The following DLC1 variants were observed in gnomAD, a reference collection of about 807,000 sequenced individuals.
DLC1 encodes DLC1 Rho GTPase activating protein, also known as rho GTPase-activating protein 7.
Under a neutral mutation model 140.3 loss-of-function variants are expected in DLC1, and 54 were observed. The ratio of observed to expected loss-of-function variants is 0.38; its 90% CI spans 0.31 to 0.48. DLC1 has a LOEUF of 0.48. Among genes scored for constraint, DLC1 ranks in the 20% least tolerant of loss-of-function variants. The probability of loss-of-function intolerance (pLI) is 0.96; values close to 1 mark genes in which losing one functional copy is unlikely to be tolerated. For missense variants in DLC1, 2,536 were observed against 1,907.0 expected, an observed-to-expected ratio of 1.33 and a Z score of -6.14; for synonymous variants, 986 against 728.1, an observed-to-expected ratio of 1.35 and a Z score of -5.70.
intron 1 of DLC1, among the ~76,000 whole-genome samples, chr8:13,523,992 G>A (rs1802839789): frequency 6.6e-6 from 1 of 151,646 alleles, no homozygotes; most frequent in African/African-American, 2.4e-5. Context: ...TAATGCAAAG[G>A]GACTGATTTC....
At chr8:13,393,714 T>A in intron 3 of DLC1, 21 bp from the exon 4 acceptor site, 1 of 1,605,162 alleles carries the variant, frequency 6.2e-7, no homozygotes, top group South Asian at 1.1e-5. Context: ...ACAAATGCAC[T>A]GGTATGAAGG....
chr8:13,312,350 G>T, intron 4 of DLC1, among the ~76,000 whole-genome samples: 1 of 15,676 alleles, frequency 6.4e-5, no homozygotes, highest in Admixed American at 1.3e-3. Flanking sequence ...GACAGAGCGA[G>T]ACTCCGTCTC....
chr8:13,190,672 C>G (rs1002125636), intron 5 of DLC1, among the ~76,000 whole-genome samples: 2 of 152,108 alleles, frequency 1.3e-5, no homozygotes, highest in Non-Finnish European at 2.9e-5. Context: ...CAGGATTTAG[C>G]AGATCAGAAG....
At chr8:13,096,613 C>T (rs776396003) in intron 10 of DLC1, among the ~76,000 whole-genome samples, 6 of 151,714 alleles carry the variant, frequency 4.0e-5, no homozygotes, top group South Asian at 2.1e-4. Flanking sequence ...GAGGATAAAC[C>T]GGTCAATACT....
At chr8:13,578,011 A>G (rs1435557391) in intron 1 of DLC1, among the ~76,000 whole-genome samples, 1 of 104,846 alleles carries the variant, frequency 9.5e-6, no homozygotes, top group Admixed American at 1.2e-4. Flanking sequence ...TATAGAAATA[A>G]AAAAAAAAAA....
In DLC1 at chr8:13,083,425, G is replaced by C. The variant is rs1366903647; in HGVS notation, c.*2386C>G. ...GTACAAAATACTGAAAGCCGCTGCA[G>C]GGGATTATAAAGATGTGTAAGAGAC... On this transcript the variant is annotated 3_prime_UTR_variant, in exon 18 of 18. Transcript: ENST00000276297. 1 of 152,102 alleles carries C rather than the reference G, an allele frequency of 6.6e-6. No individual in the cohort carries two copies. The highest frequency in any genetic ancestry group is 6.6e-5 in the Admixed American group (1 of 15,252). The allele number at this position is 152,102 out of a possible 1,614,324, so 9.4% of individuals were successfully genotyped here.
intron 2 of DLC1, among the ~76,000 whole-genome samples, chr8:13,416,280 G>A (rs543319836): frequency 6.6e-6 from 1 of 152,216 alleles, no homozygotes; most frequent in African/African-American, 2.4e-5. Flanking sequence ...TAAAAAATTG[G>A]CCTTGAGTTA....
chr8:13,406,924 T>C (rs1837591498), intron 2 of DLC1, among the ~76,000 whole-genome samples: 1 of 152,236 alleles, frequency 6.6e-6, no homozygotes, highest in Non-Finnish European at 1.5e-5. Context: ...TGCTGTGATG[T>C]ATGTCTCTTT....
intron 1 of DLC1, among the ~76,000 whole-genome samples, chr8:13,528,632 C>T (rs1802995679): frequency 6.6e-6 from 1 of 152,032 alleles, no homozygotes; most frequent in Non-Finnish European, 1.5e-5. Context: ...TTGCCAAGTT[C>T]TTATGTAGAC....
chr8:13,544,474 G>GGTCTGAAA (rs1243565647), intron 1 of DLC1, among the ~76,000 whole-genome samples: 1 of 152,134 alleles, frequency 6.6e-6, no homozygotes, highest in Non-Finnish European at 1.5e-5. Flanking sequence ...CTGAGAAAAT[G>GGTCTGAAA]AACTTTAGTG....
intron 2 of DLC1, among the ~76,000 whole-genome samples, chr8:13,415,879 T>TA (rs1241770487): frequency 6.6e-6 from 1 of 152,204 alleles, no homozygotes; most frequent in Non-Finnish European, 1.5e-5. Flanking sequence ...TAGCATTATG[T>TA]AATTTCACCC....
chr8:13,295,827 C>A (rs939235439), intron 5 of DLC1, among the ~76,000 whole-genome samples: 2 of 150,294 alleles, frequency 1.3e-5, no homozygotes, highest in East Asian at 2.0e-4. Context: ...CTTGTGGGTA[C>A]GTATTTGTGT....
intron 1 of DLC1, among the ~76,000 whole-genome samples, chr8:13,562,007 C>G (rs1474817054): frequency 6.6e-6 from 1 of 151,966 alleles, no homozygotes; most frequent in Non-Finnish European, 1.5e-5. Flanking sequence ...GTACTAAAGA[C>G]AGGAGTTACG....
chr8:13,459,664 C>G (rs1324599112), intron 2 of DLC1, among the ~76,000 whole-genome samples: 1 of 152,178 alleles, frequency 6.6e-6, no homozygotes, highest in Non-Finnish European at 1.5e-5. Flanking sequence ...ATTCTCTGGC[C>G]AACTTCTCCC....
chr8:13,561,544 G>C (rs2117382367), intron 1 of DLC1, among the ~76,000 whole-genome samples: 1 of 152,012 alleles, frequency 6.6e-6, no homozygotes, highest in East Asian at 1.9e-4. Context: ...TAATATTCTG[G>C]CAATATTGAA....
At chr8:13,225,469 AG>A (rs1408883465) in intron 5 of DLC1, among the ~76,000 whole-genome samples, 1 of 152,170 alleles carries the variant, frequency 6.6e-6, no homozygotes, top group Non-Finnish European at 1.5e-5. Context: ...GCTGGTTAGA[AG>A]GGCATTAAGA....
intron 2 of DLC1, among the ~76,000 whole-genome samples, chr8:13,488,682 A>G (rs1229770276): frequency 6.6e-6 from 1 of 152,208 alleles, no homozygotes; most frequent in Non-Finnish European, 1.5e-5. Context: ...TGGCGATCTG[A>G]ATACTTTCTA....
chr8:13,528,929 G>C (rs1038075110), intron 1 of DLC1, among the ~76,000 whole-genome samples: 1 of 152,148 alleles, frequency 6.6e-6, no homozygotes, highest in Non-Finnish European at 1.5e-5. Flanking sequence ...AAGTTCTTAA[G>C]AGAAGACTGT....
chr8:13,419,564 C>T (rs1838217953), intron 2 of DLC1, among the ~76,000 whole-genome samples: 1 of 152,134 alleles, frequency 6.6e-6, no homozygotes, highest in African/African-American at 2.4e-5. Flanking sequence ...GGATGAAGCC[C>T]ATTTGATCAT....
Sources: allele counts gnomAD v4.1 joint callset (sites outside exome capture counted in the v4.1 genomes callset), GRCh38; gene constraint gnomAD v4.1.1; transcripts MANE v1.5; gene names NCBI Gene and HGNC (gene_info 2026-07-23, HGNC 2026-07-21).